The following INPP5A variants were observed in gnomAD, a reference collection of about 807,000 sequenced individuals.
INPP5A encodes the protein inositol polyphosphate-5-phosphatase A.
Under a neutral mutation model 65.2 loss-of-function variants are expected in INPP5A, and 14 were observed. The ratio of observed to expected loss-of-function variants is 0.21; its 90% confidence interval spans 0.14 to 0.34. The LOEUF is 0.34. Among genes scored for constraint, INPP5A ranks in the 10% least tolerant of loss-of-function variants. The pLI is 1.00. For synonymous variants in INPP5A, 207 were observed against 208.3 expected, an observed-to-expected ratio of 0.99 and a Z score of 0.05; for missense variants, 431 against 545.6, an observed-to-expected ratio of 0.79 and a Z score of 2.09.
intron 2 of INPP5A, among the ~76,000 whole-genome samples, chr10:132,628,048 C>G (rs770449872): frequency 1.3e-4 from 20 of 152,226 alleles, no homozygotes; most frequent in African/African-American, 4.3e-4. Context: ...CGGATCTACT[C>G]TTGGTGAAGA....
At chr10:132,610,462 G>T (rs1478357600) in intron 2 of INPP5A, among the ~76,000 whole-genome samples, 4 of 152,264 alleles carry the variant, frequency 2.6e-5, no homozygotes, top group East Asian at 1.9e-4. Context: ...TGGACCATGT[G>T]CTGGACTTCC....
chr10:132,778,515 A>G (rs1428914964), intron 13 of INPP5A, among the ~76,000 whole-genome samples: 3 of 152,040 alleles, frequency 2.0e-5, no homozygotes, highest in African/African-American at 7.2e-5. Flanking sequence ...TGTTTTCAGA[A>G]GAATCAATAT....
chr10:132,727,503 G>A lies in INPP5A; in HGVS notation c.732+598G>A, dbSNP rs927047289. On this transcript the variant is annotated intron_variant, in intron 9 of 15. Transcript: ENST00000368594. This position sits in a 1 kb window ranked among gnomAD's most constrained non-coding sequence, Gnocchi z 6.5. ...GCAGCTTGGGCGCCGAGGTGCCACCGACAGGAAGTGGGCCTCTAGGCTCAG... is the reference window on the plus strand; with the variant it reads ...GCAGCTTGGGCGCCGAGGTGCCACCAACAGGAAGTGGGCCTCTAGGCTCAG... Among the ~76,000 whole-genome samples, 2 of 152,022 alleles carry A rather than the reference G, an allele frequency of 1.3e-5. No homozygotes were observed. Among genetic ancestry groups the A allele is most frequent in the East Asian group, 1.9e-4 (1 of 5,192 alleles).
Position 132,675,798 on chromosome 10 carries a change from A to C in INPP5A, c.307-14594A>C, listed in dbSNP as rs139057837. ...AAACTCAATTAAGGCTTTTGAGTAG[A>C]GTTTTATATGCCCTGAGCTTTTGTA... On this transcript the variant is annotated intron_variant, in intron 4 of 15. Coordinates refer to ENST00000368594, the MANE Select transcript of INPP5A (RefSeq NM_005539.5). The surrounding 1 kb of genome is among the most constrained non-coding windows in gnomAD (Gnocchi z 4.2). Among the ~76,000 whole-genome samples the C allele has an allele frequency of 9.0e-3, 1,363 of 152,194 alleles. 18 individuals are homozygous for C. Among genetic ancestry groups the C allele is most frequent in the African/African-American group, 0.031 (1,304 of 41,556 alleles).
In INPP5A at chr10:132,749,646, C is replaced by T. The variant is rs111561600; in HGVS notation, c.828+34C>T. 7.6e-4 allele frequency: 1,226 copies of T among 1,605,356 alleles called. 12 individuals carry two copies. In the African/African-American group the frequency reaches 0.015, roughly 19 times the overall value. ...GGCCTGTGACTGGGCAGGTGACGCA[C>T]GGGGCCTGCGCAGGACTCTGCAGCT... On this transcript the variant is annotated intron_variant, in intron 10 of 15. Coordinates refer to ENST00000368594, the MANE Select transcript of INPP5A (RefSeq NM_005539.5).
intron 1 of INPP5A, among the ~76,000 whole-genome samples, chr10:132,576,016 C>A (rs1336816397): frequency 1.3e-5 from 2 of 152,212 alleles, no homozygotes; most frequent in African/African-American, 4.8e-5. Context: ...CCCTCCACCA[C>A]AGATGCCACC....
In INPP5A at chr10:132,555,588, G is replaced by A. The variant is rs539372570; in HGVS notation, c.75+17417G>A. ...CGTCCTGACTCGCCTCCTGAGAGCC[G>A]TGGGTCACAAACTCAAATGCACACA... On this transcript the variant is annotated intron_variant, in intron 1 of 15. Coordinates refer to ENST00000368594, the MANE Select transcript of INPP5A (RefSeq NM_005539.5). This position sits in a 1 kb window ranked among gnomAD's most constrained non-coding sequence, Gnocchi z 4.4. 3.0e-3 allele frequency among the ~76,000 whole-genome samples: 453 copies of A among 152,278 alleles called. 2 individuals carry two copies. Among genetic ancestry groups the A allele is most frequent in the Middle Eastern group, 6.8e-3 (2 of 294 alleles).
chr10:132,699,961 G>A (rs970187354), intron 6 of INPP5A, among the ~76,000 whole-genome samples: 14 of 152,304 alleles, frequency 9.2e-5, no homozygotes, highest in African/African-American at 3.4e-4. Context: ...CCTGGCAGGG[G>A]TCTGAGTGTG....
intron 9 of INPP5A, among the ~76,000 whole-genome samples, chr10:132,736,313 G>C (rs935623596): frequency 6.6e-6 from 1 of 152,248 alleles, no homozygotes; most frequent in Non-Finnish European, 1.5e-5. Context: ...GTCTCCACGC[G>C]GCCCGACCGC....
intron 1 of INPP5A, among the ~76,000 whole-genome samples, chr10:132,597,353 A>G (rs2071717010): frequency 6.6e-6 from 1 of 152,208 alleles, no homozygotes; most frequent in Admixed American, 6.5e-5. Flanking sequence ...CTCATCCACA[A>G]GGACTCGGGC....
intron 12 of INPP5A, among the ~76,000 whole-genome samples, chr10:132,773,115 C>T (rs893301193): frequency 6.6e-6 from 1 of 152,230 alleles, no homozygotes; most frequent in African/African-American, 2.4e-5. Context: ...GCGCAGGGTG[C>T]GGTGGGCTGG....
intron 9 of INPP5A, among the ~76,000 whole-genome samples, chr10:132,736,322 G>A (rs942808131): frequency 6.6e-6 from 1 of 152,238 alleles, no homozygotes; most frequent in Non-Finnish European, 1.5e-5. Context: ...CGGCCCGACC[G>A]CACACCACAC....
At chr10:132,611,045 A>T (rs2133345377) in intron 2 of INPP5A, among the ~76,000 whole-genome samples, 1 of 141,106 alleles carries the variant, frequency 7.1e-6, no homozygotes, top group South Asian at 2.4e-4. Flanking sequence ...CTGTCAGAGG[A>T]GGATGAGGGA....
At chr10:132,662,369 C>T (rs1194829622) in intron 4 of INPP5A, among the ~76,000 whole-genome samples, 2 of 152,144 alleles carry the variant, frequency 1.3e-5, no homozygotes, top group Non-Finnish European at 2.9e-5. Context: ...TTCAGAATAG[C>T]CAAAACCTGT....
In INPP5A at chr10:132,627,861, G is replaced by C. The variant is rs1021021325; in HGVS notation, c.118-18007G>C. 6.6e-6 allele frequency among the ~76,000 whole-genome samples: 1 copy of C among 152,174 alleles called. No individual in the cohort carries two copies. Among genetic ancestry groups the C allele is most frequent in the African/African-American group, 2.4e-5 (1 of 41,444 alleles). ...ATTGGAAACCGGGAGGGGTGAGGCC[G>C]TGGAGAGAGCCGTGTGGGGGAGGTG... On this transcript the variant is annotated intron_variant, in intron 2 of 15. Transcript: ENST00000368594. The surrounding 1 kb of genome is among the most constrained non-coding windows in gnomAD (Gnocchi z 6.6).
intron 6 of INPP5A, among the ~76,000 whole-genome samples, 200 bp from the exon 7 acceptor site, chr10:132,708,113 C>T (rs910034755): frequency 4.6e-5 from 7 of 152,214 alleles, no homozygotes; most frequent in Non-Finnish European, 7.3e-5. Flanking sequence ...ATCAGCAGCC[C>T]CTGCAGGCAT....
intron 9 of INPP5A, among the ~76,000 whole-genome samples, chr10:132,742,096 T>TA (rs1319418881): frequency 6.6e-6 from 1 of 152,176 alleles, no homozygotes; most frequent in African/African-American, 2.4e-5. Flanking sequence ...TCTGTGAACT[T>TA]ACTACCAGAT....
intron 1 of INPP5A, among the ~76,000 whole-genome samples, chr10:132,548,022 C>T (rs2071001254): frequency 6.6e-6 from 1 of 152,148 alleles, no homozygotes; most frequent in Non-Finnish European, 1.5e-5. Flanking sequence ...GCCTCAGCCC[C>T]CTTAGTAGCT....
chr10:132,582,400 ACT>A (rs748062207), intron 1 of INPP5A, among the ~76,000 whole-genome samples: 6 of 147,126 alleles, frequency 4.1e-5, no homozygotes, highest in Non-Finnish European at 6.0e-5. Flanking sequence ...CTGTTCCACC[ACT>A]GTTTGTTGAT....
Sources: gnomAD v4.1 joint callset for allele counts (sites outside exome capture counted in the v4.1 genomes callset) on GRCh38, gnomAD v4.1.1 for gene constraint, Gnocchi (gnomAD v3.1) non-coding constraint, MANE v1.5 for transcripts, NCBI Gene and HGNC (gene_info 2026-07-23, HGNC 2026-07-21) for gene names.